Variants in PCDHGA3 observed in about 807,000 individuals in gnomAD.
The protein encoded by PCDHGA3 is protocadherin gamma subfamily A, 3.
Under a neutral mutation model 58.5 loss-of-function variants are expected in PCDHGA3, and 40 were observed. The ratio of observed to expected loss-of-function variants is 0.68; its 90% CI spans 0.53 to 0.89. PCDHGA3 has a LOEUF of 0.89. Ranked by LOEUF, PCDHGA3 falls within the 40% of genes least tolerant of loss-of-function variation. The pLI is 0.00. For synonymous variants in PCDHGA3, 530 were observed against 525.7 expected, an observed-to-expected ratio of 1.01 and a Z score of -0.11; for missense variants, 1,223 against 1,195.9, an observed-to-expected ratio of 1.02 and a Z score of -0.33.
At chr5:141,352,821 C>T (rs1759119278) in intron 1 of PCDHGA3, 9 of 796,944 alleles carry the variant, frequency 1.1e-5, no homozygotes, top group Non-Finnish European at 1.6e-5. Context: ...AAAACCCGGT[C>T]TACTAAAATT....
chr5:141,450,278 G>A (rs977381598), intron 1 of PCDHGA3, among the ~76,000 whole-genome samples: 1 of 152,026 alleles, frequency 6.6e-6, no homozygotes, highest in Non-Finnish European at 1.5e-5. Flanking sequence ...TCAGCTAAGT[G>A]CTGGGATTAC....
At chr5:141,404,978 G>T (rs373968137) in intron 1 of PCDHGA3, 2 of 1,613,976 alleles carry the variant, frequency 1.2e-6, no homozygotes, top group Non-Finnish European at 8.5e-7. Flanking sequence ...GGCTGACCTG[G>T]GCAGTCTTCA....
intron 3 of PCDHGA3, among the ~76,000 whole-genome samples, chr5:141,505,720 G>A (rs1251781594): frequency 2.2e-4 from 34 of 152,212 alleles, no homozygotes; most frequent in Non-Finnish European, 2.9e-5. Context: ...GACTCATGGA[G>A]GGAATAGTGG....
Position 141,357,232 on chromosome 5 carries a change from C to T in PCDHGA3, c.2424+10775C>T, listed in dbSNP as rs753504558. On this transcript the variant is annotated intron_variant, in intron 1 of 3. Coordinates refer to ENST00000253812, the MANE Select transcript of PCDHGA3 (RefSeq NM_018916.4). ...AGATGTCCTGGCTGACTTGGGCAGCCTCAAGCCTTCAGCAGACCCAGACGA... is the reference window on the plus strand; with the variant it reads ...AGATGTCCTGGCTGACTTGGGCAGCTTCAAGCCTTCAGCAGACCCAGACGA... 5 of 1,613,846 alleles carry T rather than the reference C, an allele frequency of 3.1e-6. No homozygotes were observed. The Admixed American group carries it at 8.3e-5, about 27-fold the overall frequency.
rs1173375966 is a variant in PCDHGA3, at chr5:141,511,162, GAGA to G, written c.2794_2796del (p.Lys932del). 16 of 1,614,044 alleles carry G rather than the reference GAGA, an allele frequency of 9.9e-6. No individual in the cohort carries two copies. The highest frequency in any genetic ancestry group is 5.5e-5 in the South Asian group (5 of 91,078). On this transcript the variant is annotated inframe_deletion, in exon 4 of 4. Transcript: ENST00000253812. The stretch of plus-strand genomic sequence containing the variant: ...CAACAAGAAGAAGTCGGGCAAGAAG[GAGA>G]AGAAGTAACATGGAGGCCAGGCCAA...
intron 1 of PCDHGA3, chr5:141,360,960 A>C (rs1312834351): frequency 7.4e-6 from 12 of 1,613,840 alleles, no homozygotes; most frequent in Non-Finnish European, 1.0e-5. Flanking sequence ...GCATAAACGC[A>C]GAGATCACCT....
At chr5:141,414,117 A>T (rs764001135) in intron 1 of PCDHGA3, 2 of 1,592,602 alleles carry the variant, frequency 1.3e-6, no homozygotes, top group Non-Finnish European at 1.7e-6. Flanking sequence ...TAGATTATGA[A>T]GAAACCGGTT....
chr5:141,350,095 G>C (rs1235353073), intron 1 of PCDHGA3: 1 of 464,872 alleles, frequency 2.2e-6, no homozygotes, highest in Non-Finnish European at 3.6e-6. Context: ...GCGTCAGGCA[G>C]GGTGCCTTCC....
At chr5:141,469,415 A>C (rs2099200751) in intron 1 of PCDHGA3, among the ~76,000 whole-genome samples, 1 of 152,116 alleles carries the variant, frequency 6.6e-6, no homozygotes, top group Admixed American at 6.5e-5. Flanking sequence ...TTTCTACTAA[A>C]AATATAAAAC....
chr5:141,456,550 C>T (rs1017343381), intron 1 of PCDHGA3, among the ~76,000 whole-genome samples: 2 of 152,166 alleles, frequency 1.3e-5, no homozygotes, highest in African/African-American at 4.8e-5. Context: ...TGTAGCCACT[C>T]GGGGCTGAAG....
At chr5:141,360,893 AG>A (rs753188026) in intron 1 of PCDHGA3, 17 of 1,614,046 alleles carry the variant, frequency 1.1e-5, no homozygotes, top group Non-Finnish European at 1.4e-5. Flanking sequence ...ACCCTGAGGG[AG>A]GACGTGCCGC....
At position 141,477,577 on chromosome 5, in the gene PCDHGA3, G is replaced by T; in HGVS notation, c.2425-17230G>T. Reference sequence around the variant, plus strand: ...TAAGTGTCTGGGACCCCGACGCCCCGCAGAATGCTCGGCTTTCTTTCTTTC... The same window carrying T: ...TAAGTGTCTGGGACCCCGACGCCCCTCAGAATGCTCGGCTTTCTTTCTTTC... On this transcript the variant is annotated intron_variant, in intron 1 of 3. Transcript: ENST00000253812. The surrounding 1 kb of genome is among the most constrained non-coding windows in gnomAD (Gnocchi z 4.9). 1.2e-6 allele frequency: 2 copies of T among 1,614,124 alleles called. No homozygotes were observed. Among genetic ancestry groups the T allele is most frequent in the Non-Finnish European group, 1.7e-6 (2 of 1,180,020 alleles).
chr5:141,409,293 T>G, intron 1 of PCDHGA3: 1 of 1,613,992 alleles, frequency 6.2e-7, no homozygotes, highest in Non-Finnish European at 8.5e-7. Flanking sequence ...CCTCCAGGAA[T>G]GGTTGTTGCC....
At chr5:141,346,764 C>G (rs1757799860) in intron 1 of PCDHGA3, among the ~76,000 whole-genome samples, 1 of 152,222 alleles carries the variant, frequency 6.6e-6, no homozygotes, top group Non-Finnish European at 1.5e-5. Flanking sequence ...ACTGCTCCTT[C>G]TACCTGGGTC....
chr5:141,360,228 C>T, intron 1 of PCDHGA3: 1 of 1,613,842 alleles, frequency 6.2e-7, no homozygotes, highest in African/African-American at 1.3e-5. Context: ...CTCTCCCAGT[C>T]CAGATCCGCT....
chr5:141,361,664 A>G (rs1762121491), intron 1 of PCDHGA3: 1 of 1,613,702 alleles, frequency 6.2e-7, no homozygotes, highest in Non-Finnish European at 8.5e-7. Context: ...GTGAGCGCGC[A>G]GAGCGGGGTG....
chr5:141,345,239 C>T lies in PCDHGA3; in HGVS notation c.1206C>T (p.Tyr402=). The stretch of plus-strand genomic sequence containing the variant: ...TAGAAAAATCAATAGATCAATATTA[C>T]CGCTTAGTGACGGCCACATCCCTGG... ...FKLEKSIDQY[Y]RLVTATSLDR... is the part of the protein sequence containing the mutation. The change falls in exon 1 of 4, where the codon TAC becomes TAT. Residue 402 remains tyrosine, a synonymous_variant. Coordinates refer to ENST00000253812, the MANE Select transcript of PCDHGA3 (RefSeq NM_018916.4). 3 of 1,613,990 alleles carry T rather than the reference C, an allele frequency of 1.9e-6. No individual in the cohort carries two copies. Among genetic ancestry groups the T allele is most frequent in the Non-Finnish European group, 2.5e-6 (3 of 1,179,906 alleles).
chr5:141,415,740 GTTTTTTTTTTTTTTTTTT>G (rs57426385), intron 1 of PCDHGA3: 9 of 625,028 alleles, frequency 1.4e-5, no homozygotes, highest in African/African-American at 5.0e-5. Flanking sequence ...GTTTATTAAG[GTTTTTTTTTTTTTTTTTT>G]TTTTTTTTTT....
intron 1 of PCDHGA3, chr5:141,377,314 A>G (rs890147019): frequency 5.3e-5 from 8 of 152,110 alleles, no homozygotes; most frequent in African/African-American, 1.9e-4. Flanking sequence ...AAAGATCAAG[A>G]TCTTGGTTTT....
Sources: gnomAD v4.1 joint callset for allele counts (sites outside exome capture counted in the v4.1 genomes callset) on GRCh38, gnomAD v4.1.1 for gene constraint, Gnocchi (gnomAD v3.1) non-coding constraint, MANE v1.5 for transcripts, NCBI Gene and HGNC (gene_info 2026-07-23, HGNC 2026-07-21) for gene names.